The following ENO4 variants were observed in gnomAD, a reference collection of about 807,000 sequenced individuals.
The protein encoded by ENO4 is 2-phospho-D-glycerate hydro-lyase.
ENO4 carries 53 observed loss-of-function variants against 63.2 expected under a neutral mutation model. The observed-to-expected ratio is 0.84, with a 90% confidence interval of 0.67 to 1.05. The LOEUF (loss-of-function observed/expected upper bound fraction) is 1.05, where lower values mean the gene tolerates loss of function less well. Among genes scored for constraint, ENO4 ranks in the 50% least tolerant of loss-of-function variants. The pLI, the probability that ENO4 is intolerant of heterozygous loss-of-function variation, is 0.00. For missense variants in ENO4, 719 were observed against 772.0 expected, an observed-to-expected ratio of 0.93 and a Z score of 0.81; for synonymous variants, 266 against 283.8, an observed-to-expected ratio of 0.94 and a Z score of 0.63.
chr10:116,854,031 C>T (rs1053237669), intron 1 of ENO4, among the ~76,000 whole-genome samples: 1 of 152,156 alleles, frequency 6.6e-6, no homozygotes, highest in African/African-American at 2.4e-5. Flanking sequence ...CCTTCCTGAG[C>T]GTTTTCTTGC....
chr10:116,873,898 G>A, intron 9 of ENO4, 178 bp from the exon 10 acceptor site: 5 of 983,872 alleles, frequency 5.1e-6, no homozygotes, highest in Non-Finnish European at 6.0e-6. Flanking sequence ...GATTTCCCAG[G>A]TTAATATTTA....
chr10:116,859,391 G>T (rs879904720), intron 4 of ENO4, among the ~76,000 whole-genome samples: 32 of 152,134 alleles, frequency 2.1e-4, no homozygotes, highest in Non-Finnish European at 1.0e-4. Context: ...GCATTGAGCG[G>T]TGCCAAATTG....
At chr10:116,855,986 G>C (rs1465532507) in intron 2 of ENO4, among the ~76,000 whole-genome samples, 2 of 152,104 alleles carry the variant, frequency 1.3e-5, no homozygotes, top group Non-Finnish European at 2.9e-5. Context: ...CATGGATAAT[G>C]GAAATGAGGC....
At chr10:116,901,664 G>A (rs1485386614) in intron 10 of ENO4, 3 of 1,358,820 alleles carry the variant, frequency 2.2e-6, no homozygotes, top group East Asian at 3.0e-5. Context: ...TTACCGGCGA[G>A]CCAATCAAAA....
intron 10 of ENO4, chr10:116,911,420 T>C (rs1848186466): frequency 6.6e-7 from 1 of 1,524,962 alleles, no homozygotes. Flanking sequence ...ATTCTCCTTT[T>C]AGGCTTCAAA....
chr10:116,901,017 T>C (rs1423596141), intron 10 of ENO4: 9 of 985,308 alleles, frequency 9.1e-6, no homozygotes, highest in African/African-American at 1.7e-5. Flanking sequence ...TCTCTCTTGA[T>C]AGGACAGGAA....
In ENO4 at chr10:116,861,206, T is replaced by A; in HGVS notation, c.936+16T>A. The A allele has an allele frequency of 1.7e-6, 2 of 1,153,538 alleles. No homozygotes were observed. Among genetic ancestry groups the A allele is most frequent in the Non-Finnish European group, 1.1e-6 (1 of 901,306 alleles). 71.5% of individuals were successfully genotyped at this position (1,153,538 alleles called of 1,614,324 possible). A position where few individuals can be genotyped will look rare whatever the true frequency, so the allele number is the denominator to read the frequency against. ...AACCAAACAAGTACCTTACATTATCTTAAATTACCTTTTCTAAAAAAAAAA... is the reference window on the plus strand; with the variant it reads ...AACCAAACAAGTACCTTACATTATCATAAATTACCTTTTCTAAAAAAAAAA... On this transcript the variant is annotated intron_variant, in intron 6 of 13. Coordinates refer to ENST00000341276, the MANE Select transcript of ENO4 (RefSeq NM_001242699.2).
At chr10:116,885,754 T>A (rs983478570), downstream of ENO4, 1 of 152,668 alleles carries the variant, frequency 6.6e-6, no homozygotes, top group Admixed American at 6.5e-5. Flanking sequence ...TTTCATCCAA[T>A]AGTTAACAAT....
intron 10 of ENO4, among the ~76,000 whole-genome samples, chr10:116,889,259 T>C (rs17095404): frequency 0.06 from 9,145 of 152,252 alleles, 893 homozygotes; most frequent in African/African-American, 0.2. Flanking sequence ...TGGATGTTGA[T>C]TGAACTGAAA....
At chr10:116,873,866 G>A in intron 9 of ENO4, 1 of 984,858 alleles carries the variant, frequency 1.0e-6, no homozygotes, top group African/African-American at 1.7e-5. Flanking sequence ...ACCCTAGAGG[G>A]CATCAAAAGG....
At chr10:116,870,844 A>G (rs902836174) in intron 8 of ENO4, among the ~76,000 whole-genome samples, 1 of 152,156 alleles carries the variant, frequency 6.6e-6, no homozygotes, top group African/African-American at 2.4e-5. Flanking sequence ...CCCCATGTAC[A>G]AGGAATGGCA....
At chr10:116,853,971 C>A (rs1846171907) in intron 1 of ENO4, among the ~76,000 whole-genome samples, 1 of 152,166 alleles carries the variant, frequency 6.6e-6, no homozygotes, top group African/African-American at 2.4e-5. Context: ...TGTGCCTTCA[C>A]CTTCCCTCCT....
intron 4 of ENO4, 113 bp from the exon 5 acceptor site, chr10:116,860,681 A>G: frequency 1.4e-6 from 1 of 736,910 alleles, no homozygotes; most frequent in Non-Finnish European, 1.9e-6. Flanking sequence ...GGGTTGAGGT[A>G]GAGCATTTGT....
At chr10:116,849,867 G>C in intron 1 of ENO4, 136 bp downstream of exon 1, 2 of 1,031,274 alleles carry the variant, frequency 1.9e-6, no homozygotes, top group South Asian at 1.4e-5. Context: ...TGCGTGTGCG[G>C]AGGAGACTTC....
At position 116,860,866 on chromosome 10, in the gene ENO4, T is replaced by TCAC; in HGVS notation, c.707_708insCAC (p.Met236delinsIleThr). 1.3e-6 allele frequency: 2 copies of TCAC among 1,549,710 alleles called. No individual in the cohort carries two copies. The highest frequency in any genetic ancestry group is 3.9e-5 in the Admixed American group (2 of 50,998). ...GTTGAGCCTGTACTCAGTGGCAGTA[T>TCAC]GGCCATAGGGGCCGTGTCACTAGCT... On this transcript the variant is annotated protein_altering_variant, in exon 5 of 14. Transcript: ENST00000341276.
chr10:116,869,153 T>C (rs1018659406), intron 8 of ENO4, among the ~76,000 whole-genome samples: 5 of 152,180 alleles, frequency 3.3e-5, no homozygotes, highest in Non-Finnish European at 7.3e-5. Context: ...TGACGAACCA[T>C]TGCAGGAACT....
At chr10:116,893,629 G>T (rs537756176) in intron 10 of ENO4, among the ~76,000 whole-genome samples, 2 of 61,620 alleles carry the variant, frequency 3.2e-5, no homozygotes, top group Non-Finnish European at 7.1e-5. Context: ...GAGGTTATGA[G>T]GAAATGGTGG....
At chr10:116,881,178 C>T (rs1024841111) in intron 13 of ENO4, among the ~76,000 whole-genome samples, 1 of 152,232 alleles carries the variant, frequency 6.6e-6, no homozygotes, top group African/African-American at 2.4e-5. Context: ...GAGCAGTCAG[C>T]TGGCAGTGGC....
At chr10:116,903,750 A>G (rs941518227) in intron 10 of ENO4, among the ~76,000 whole-genome samples, 1 of 152,212 alleles carries the variant, frequency 6.6e-6, no homozygotes, top group Non-Finnish European at 1.5e-5. Flanking sequence ...CTGTCCTTGT[A>G]AGAAAGATCT....
Sources: allele counts gnomAD v4.1 joint callset (sites outside exome capture counted in the v4.1 genomes callset), GRCh38; gene constraint gnomAD v4.1.1; transcripts MANE v1.5; gene names NCBI Gene and HGNC (gene_info 2026-07-23, HGNC 2026-07-21).